ANKRD30BL: variants seen among roughly 807,000 people sequenced by gnomAD.
ANKRD30BL encodes the protein ankyrin repeat domain 30B like.
A neutral mutation model predicts 18.4 loss-of-function variants in ANKRD30BL; 20 were observed. That is an observed-to-expected ratio of 1.09 (90% confidence interval 0.77 to 1.58). ANKRD30BL has a LOEUF of 1.58. ANKRD30BL is among the 40% of genes most tolerant of loss of function. The pLI, the probability that ANKRD30BL is intolerant of heterozygous loss-of-function variation, is 0.00. For synonymous variants in ANKRD30BL, 72 were observed against 100.9 expected (o/e 0.71, Z 1.72); for missense variants, 224 against 268.6 (o/e 0.83, Z 1.16).
intron 1 of ANKRD30BL, among the ~76,000 whole-genome samples, chr2:132,173,687 C>T (rs1032365087): frequency 2.0e-5 from 3 of 151,934 alleles, no homozygotes; most frequent in African/African-American, 7.3e-5. Flanking sequence ...GTTCTTGGAA[C>T]CAGCTTTCCG....
intron 1 of ANKRD30BL, among the ~76,000 whole-genome samples, chr2:132,167,279 T>C (rs1403691173): frequency 1.9e-4 from 2 of 10,718 alleles, no homozygotes; most frequent in Non-Finnish European, 5.8e-4. Flanking sequence ...CATTTATTTT[T>C]ATTTTATTTT....
At chr2:132,155,044 G>A in intron 3 of ANKRD30BL, 1 of 262,364 alleles carries the variant, frequency 3.8e-6, no homozygotes, top group Non-Finnish European at 7.2e-6. Context: ...TGAGGGCAGG[G>A]GCTGTATCTT....
intron 1 of ANKRD30BL, among the ~76,000 whole-genome samples, chr2:132,221,354 G>A (rs1419447542): frequency 4.2e-5 from 6 of 142,904 alleles, no homozygotes; most frequent in East Asian, 4.4e-4. Flanking sequence ...CAGCCGCCCA[G>A]TCCGGGAGGG....
At chr2:132,217,773 A>G (rs62165476) in intron 1 of ANKRD30BL, among the ~76,000 whole-genome samples, 1 of 152,292 alleles carries the variant, frequency 6.6e-6, no homozygotes, top group Non-Finnish European at 1.5e-5. Flanking sequence ...AAACGGGTAT[A>G]TCTTCACATA....
chr2:132,232,742 C>A (rs1196974925), intron 1 of ANKRD30BL, among the ~76,000 whole-genome samples: 1 of 151,924 alleles, frequency 6.6e-6, no homozygotes, highest in African/African-American at 2.4e-5. Context: ...GAGAAGGGAC[C>A]CAAGTTGGAA....
intron 1 of ANKRD30BL, among the ~76,000 whole-genome samples, chr2:132,201,669 T>C (rs1049025069): frequency 2.0e-5 from 3 of 152,088 alleles, no homozygotes; most frequent in South Asian, 2.1e-4. Context: ...TGTGGAGAAA[T>C]AGGAACACTT....
intron 4 of ANKRD30BL, chr2:132,152,688 C>CA (rs1376494091): frequency 2.0e-5 from 3 of 151,884 alleles, no homozygotes; most frequent in Non-Finnish European, 2.9e-5. Context: ...GTAACAAAGA[C>CA]AAAATGGATC....
At chr2:132,247,121 T>C (rs1433353648) in intron 1 of ANKRD30BL, among the ~76,000 whole-genome samples, 1 of 151,620 alleles carries the variant, frequency 6.6e-6, no homozygotes, top group Non-Finnish European at 1.5e-5. Context: ...TGGAGCTCTT[T>C]GAGGCCTATG....
At chr2:132,254,864 T>A (rs563533832) in intron 1 of ANKRD30BL, among the ~76,000 whole-genome samples, 34 of 151,940 alleles carry the variant, frequency 2.2e-4, no homozygotes, top group African/African-American at 6.0e-4. Flanking sequence ...CTCCAGCAAC[T>A]AAGGCCATGC....
At chr2:132,241,355 A>G (rs945286043) in intron 1 of ANKRD30BL, among the ~76,000 whole-genome samples, 2 of 151,492 alleles carry the variant, frequency 1.3e-5, no homozygotes, top group Non-Finnish European at 3.0e-5. Flanking sequence ...TTCACATAAA[A>G]ACTAGAAAGA....
At chr2:132,221,336 C>T (rs1315940474) in intron 1 of ANKRD30BL, among the ~76,000 whole-genome samples, 16 of 145,494 alleles carry the variant, frequency 1.1e-4, no homozygotes, top group African/African-American at 2.1e-4. Context: ...GTCAGCCCCC[C>T]GCCCGGCCAG....
At chr2:132,220,320 CTCCCTGTCCCTCTCCCTCTCCCT>C (rs1679639481) in intron 1 of ANKRD30BL, among the ~76,000 whole-genome samples, 2 of 109,444 alleles carry the variant, frequency 1.8e-5, no homozygotes, top group East Asian at 2.7e-4. Context: ...CCCTCTCCCT[CTCCCTGTCCCTCTCCCTCTCCCT>C]CTCCCTGTCC....
chr2:132,151,825 C>T (rs936131202), intron 4 of ANKRD30BL, among the ~76,000 whole-genome samples: 12 of 152,140 alleles, frequency 7.9e-5, no homozygotes, highest in African/African-American at 2.9e-4. Flanking sequence ...TACTCTATTA[C>T]TGAGCTCATC....
At chr2:132,198,324 C>CTTTCTTTCTT (rs1387738908) in intron 1 of ANKRD30BL, among the ~76,000 whole-genome samples, 8 of 16,810 alleles carry the variant, frequency 4.8e-4, no homozygotes, top group East Asian at 2.6e-3. Flanking sequence ...TTCTTTCTTT[C>CTTTCTTTCTT]TTTTTTTTTT....
At chr2:132,200,650 C>A (rs1679079646) in intron 1 of ANKRD30BL, among the ~76,000 whole-genome samples, 1 of 152,106 alleles carries the variant, frequency 6.6e-6, no homozygotes, top group African/African-American at 2.4e-5. Context: ...AAAGGGGATA[C>A]AAACAAATGG....
chr2:132,164,895 C>T (rs1241552752), upstream of ANKRD30BL, among the ~76,000 whole-genome samples: 1 of 151,904 alleles, frequency 6.6e-6, no homozygotes, highest in Non-Finnish European at 1.5e-5. Context: ...ACGGTGAAAC[C>T]CCGTCTCTAC....
chr2:132,228,197 T>C (rs1414207826), intron 1 of ANKRD30BL, among the ~76,000 whole-genome samples: 2 of 152,124 alleles, frequency 1.3e-5, no homozygotes, highest in African/African-American at 4.8e-5. Context: ...ATCTCTCTTT[T>C]TGTAGAATCT....
chr2:132,230,904 A>G (rs1238558495), intron 1 of ANKRD30BL, among the ~76,000 whole-genome samples: 1 of 151,898 alleles, frequency 6.6e-6, no homozygotes, highest in African/African-American at 2.4e-5. Flanking sequence ...CTTTTGATAG[A>G]GCAGTTTTGA....
chr2:132,247,848 G>C lies in ANKRD30BL; in HGVS notation n.441+9681C>G, dbSNP rs560487768. Reference sequence around the variant, plus strand: ...CTGTTTCTGAATTGTGCATTCATAAGAAAGTTTCTACACTGTGAGAGTAAT... The same window carrying C: ...CTGTTTCTGAATTGTGCATTCATAACAAAGTTTCTACACTGTGAGAGTAAT... On this transcript the variant is annotated intron_variant and non_coding_transcript_variant, in intron 1 of 4. Transcript: ENST00000470729. Among the ~76,000 whole-genome samples the C allele has an allele frequency of 1.2e-4, 18 of 152,094 alleles. No homozygotes were observed. The East Asian group carries it at 3.1e-3, about 26-fold the overall frequency.
Sources: gnomAD v4.1 joint callset for allele counts (sites outside exome capture counted in the v4.1 genomes callset) on GRCh38, gnomAD v4.1.1 for gene constraint, MANE v1.5 for transcripts, NCBI Gene and HGNC (gene_info 2026-07-23, HGNC 2026-07-21) for gene names.